The following OPTN variants were observed in gnomAD, a reference collection of about 807,000 sequenced individuals.
OPTN encodes the protein E3-14.7K-interacting protein.
A neutral mutation model predicts 70.4 loss-of-function variants in OPTN; 54 were observed. The ratio of observed to expected loss-of-function variants is 0.77; its 90% CI spans 0.62 to 0.96. The LOEUF is 0.96. OPTN is among the 40% of genes least tolerant of loss of function. OPTN has a pLI of 0.00. For missense variants in OPTN, 624 were observed against 673.2 expected (o/e 0.93, Z 0.81); for synonymous variants, 256 against 248.5 (o/e 1.03, Z -0.28).
chr10:13,121,355 T>C (rs1217436492), intron 7 of OPTN, among the ~76,000 whole-genome samples: 2 of 152,088 alleles, frequency 1.3e-5, no homozygotes, highest in African/African-American at 4.8e-5. Context: ...AAAAGCCAGC[T>C]GGGATCTTAC....
chr10:13,126,312 G>A (rs1462667702), intron 11 of OPTN, among the ~76,000 whole-genome samples: 3 of 140,906 alleles, frequency 2.1e-5, no homozygotes, highest in Admixed American at 1.4e-4. Flanking sequence ...ACGGAGTCTC[G>A]CTCTGTCGCC....
chr10:13,101,294 A>G (rs1832737990), intron 1 of OPTN, among the ~76,000 whole-genome samples: 1 of 152,222 alleles, frequency 6.6e-6, no homozygotes, highest in Non-Finnish European at 1.5e-5. Context: ...GGCGTTCTTT[A>G]TATATTACGT....
intron 8 of OPTN, chr10:13,122,982 G>A (rs1407709772): frequency 1.6e-5 from 3 of 182,922 alleles, no homozygotes; most frequent in Non-Finnish European, 3.5e-5. Flanking sequence ...GCTGCAAGAT[G>A]TATTTCTATC....
At chr10:13,133,778 C>T (rs1212609042) in intron 14 of OPTN, among the ~76,000 whole-genome samples, 197 bp downstream of exon 14, 2 of 152,126 alleles carry the variant, frequency 1.3e-5, no homozygotes, top group Non-Finnish European at 2.9e-5. Flanking sequence ...TTCACCCTGC[C>T]AGAAGGTGCC....
intron 13 of OPTN, among the ~76,000 whole-genome samples, chr10:13,132,457 G>A (rs542373024): frequency 6.6e-6 from 1 of 152,160 alleles, no homozygotes; most frequent in East Asian, 1.9e-4. Flanking sequence ...GTGGGAGCTT[G>A]ATCAAGCTCC....
intron 11 of OPTN, among the ~76,000 whole-genome samples, chr10:13,126,435 C>T (rs7069456): frequency 0.26 from 38,797 of 150,532 alleles, 4,537 homozygotes; most frequent in Admixed American, 0.36. Context: ...CGCCCGCCAC[C>T]GCGCCCGGCT....
intron 1 of OPTN, chr10:13,104,449 A>C: frequency 6.5e-6 from 1 of 153,654 alleles, no homozygotes; most frequent in Non-Finnish European, 1.3e-5. Flanking sequence ...TTTTTTTACT[A>C]TTACAAAATT....
At chr10:13,104,989 G>A (rs1340047894) in intron 1 of OPTN, among the ~76,000 whole-genome samples, 2 of 151,840 alleles carry the variant, frequency 1.3e-5, no homozygotes, top group Non-Finnish European at 2.9e-5. Flanking sequence ...TAGTAGAGAT[G>A]GGATTTCACC....
chr10:13,117,117 G>C (rs1564360855), intron 6 of OPTN, among the ~76,000 whole-genome samples: 1 of 85,010 alleles, frequency 1.2e-5, no homozygotes, highest in South Asian at 3.6e-4. Context: ...ATCTTGTTCT[G>C]TTGCCCAGGC....
rs539170986 is a variant in OPTN at position 13,137,858 on chromosome 10, T to C, written c.*992T>C. 10 of 227,036 alleles carry C rather than the reference T, an allele frequency of 4.4e-5. No homozygotes were observed. Among genetic ancestry groups the C allele is most frequent in the Non-Finnish European group, 7.0e-5 (8 of 114,238 alleles). The allele number at this position is 227,036 out of a possible 1,614,324, so 14.1% of individuals were successfully genotyped here. On this transcript the variant is annotated 3_prime_UTR_variant, in exon 15 of 15. Transcript: ENST00000378747. ...TGCTTTCATTGTACCTGCAGGCCTG[T>C]GGGCTTGTACAGTAGATAATTAATT... is the stretch of plus-strand genomic sequence containing the variant.
chr10:13,131,316 GT>G (rs1833589058), intron 12 of OPTN: 2 of 152,310 alleles, frequency 1.3e-5, no homozygotes, highest in African/African-American at 2.4e-5. Flanking sequence ...CATCCTGGAG[GT>G]TACACAGGTT....
intron 1 of OPTN, chr10:13,104,803 C>T (rs1329431941): frequency 2.3e-5 from 11 of 483,432 alleles, no homozygotes; most frequent in Admixed American, 1.3e-4. Context: ...TGATGCTATT[C>T]GAGATGTTCA....
chr10:13,112,495 C>A lies in OPTN; in HGVS notation c.412C>A (p.Gln138Lys). 6.2e-7 allele frequency: 1 copy of A among 1,614,034 alleles called. No homozygotes were observed. Among genetic ancestry groups the A allele is most frequent in the Non-Finnish European group, 8.5e-7 (1 of 1,180,028 alleles). The change falls in exon 5 of 15, where the codon CAG becomes AAG. Residue 138 changes from glutamine (Q) to lysine (K), a missense_variant. Transcript: ENST00000378747. ...CAGGCTTCCCAGGGCCGAAGCGGAG[C>A]AGGAAAAGGACCAGCTCAGGACCCA... ...DSRLPRAEAEQEKDQLRTQVV... is the reference protein window; with the variant it reads ...DSRLPRAEAEKEKDQLRTQVV...
intron 5 of OPTN, among the ~76,000 whole-genome samples, chr10:13,114,813 A>ACG (rs1564358857): frequency 0.021 from 152 of 7,324 alleles, 19 homozygotes; most frequent in Middle Eastern, 0.5. Flanking sequence ...CATATATATA[A>ACG]TTATATAATT....
At chr10:13,120,231 G>A (rs1176418318) in intron 7 of OPTN, among the ~76,000 whole-genome samples, 1 of 151,460 alleles carries the variant, frequency 6.6e-6, no homozygotes, top group Non-Finnish European at 1.5e-5. Flanking sequence ...CTCGTGATCT[G>A]CCCGCCTCAG....
At chr10:13,133,430 ACTGT>A in intron 13 of OPTN, 68 bp from the exon 14 acceptor site, 1 of 1,297,518 alleles carries the variant, frequency 7.7e-7, no homozygotes, top group Non-Finnish European at 1.1e-6. Context: ...ACTTCTGTGG[ACTGT>A]CTGCTCAGTG....
chr10:13,100,765 G>C (rs996996034), intron 1 of OPTN, among the ~76,000 whole-genome samples: 1 of 152,218 alleles, frequency 6.6e-6, no homozygotes, highest in Non-Finnish European at 1.5e-5. Flanking sequence ...GTGTCTAGGA[G>C]AGTGTGTACA....
In OPTN at chr10:13,137,095, A is replaced by G. The variant is rs903291993; in HGVS notation, c.*229A>G. ...AGGGTTTGAGACCAGCCTGGCCAAC[A>G]TGGCGGAACCCTGTCTCTACCAAAA... On this transcript the variant is annotated 3_prime_UTR_variant, in exon 15 of 15. Coordinates refer to ENST00000378747, the MANE Select transcript of OPTN (RefSeq NM_001008212.2). 1.1e-5 allele frequency: 6 copies of G among 537,920 alleles called. No homozygotes were observed. Among genetic ancestry groups the G allele is most frequent in the Non-Finnish European group, 2.0e-5 (6 of 295,178 alleles). The allele number at this position is 537,920 out of a possible 1,614,324, so 33.3% of individuals were successfully genotyped here. A position where few individuals can be genotyped will look rare whatever the true frequency, so the allele number is the denominator to read the frequency against.
chr10:13,108,577 C>T (rs546991825), intron 2 of OPTN, among the ~76,000 whole-genome samples: 82 of 149,422 alleles, frequency 5.5e-4, no homozygotes, highest in African/African-American at 1.7e-3. Flanking sequence ...GACGGAGTCT[C>T]GCTCTGTTGC....
Sources: allele counts gnomAD v4.1 joint callset (sites outside exome capture counted in the v4.1 genomes callset), GRCh38; gene constraint gnomAD v4.1.1; transcripts MANE v1.5; gene names NCBI Gene and HGNC (gene_info 2026-07-23, HGNC 2026-07-21).